CDH23: variants seen among roughly 807,000 people sequenced by gnomAD.
CDH23 encodes cadherin related 23, also known as cadherin-23.
In CDH23, 189 loss-of-function variants were observed where a neutral mutation model predicts 317.1. That is an observed-to-expected ratio of 0.60 (90% CI 0.53 to 0.67). The LOEUF is 0.67. Ranked by LOEUF, CDH23 falls within the 30% of genes least tolerant of loss-of-function variation. The probability of loss-of-function intolerance (pLI) is 0.00; values close to 1 mark genes in which losing one functional copy is unlikely to be tolerated. For synonymous variants in CDH23, 1,839 were observed against 1,876.8 expected, an observed-to-expected ratio of 0.98 and a Z score of 0.52; for missense variants, 4,401 against 4,592.4, an observed-to-expected ratio of 0.96 and a Z score of 1.20.
chr10:71,590,895 AAC>A (rs1491318780), intron 9 of CDH23, among the ~76,000 whole-genome samples: 10,679 of 112,626 alleles, frequency 0.095, 1,300 homozygotes, highest in East Asian at 0.22. Flanking sequence ...AACAAAAAAA[AAC>A]AAAAAAAAAC....
intron 3 of CDH23, among the ~76,000 whole-genome samples, chr10:71,501,358 G>T (rs1352657362): frequency 6.6e-6 from 1 of 152,196 alleles, no homozygotes; most frequent in East Asian, 1.9e-4. Flanking sequence ...CCAAGTGGAC[G>T]GAGTTGCAGG....
intron 21 of CDH23, among the ~76,000 whole-genome samples, 179 bp from the exon 22 acceptor site, chr10:71,695,239 G>T (rs765777368): frequency 6.6e-6 from 1 of 152,212 alleles, no homozygotes; most frequent in South Asian, 2.1e-4. Context: ...CTCCTGAAGC[G>T]GCCTGGCTCC....
intron 11 of CDH23, among the ~76,000 whole-genome samples, chr10:71,619,441 T>TC (rs1345747513): frequency 2.0e-5 from 3 of 152,188 alleles, no homozygotes; most frequent in African/African-American, 7.2e-5. Flanking sequence ...TCACCTTGTA[T>TC]CCCCCTTTAG....
intron 9 of CDH23, among the ~76,000 whole-genome samples, chr10:71,579,225 T>C (rs1308143009): frequency 6.6e-6 from 1 of 152,088 alleles, no homozygotes; most frequent in African/African-American, 2.4e-5. Flanking sequence ...TCCTTGGCAA[T>C]GCAGGAAACC....
chr10:71,672,059 C>T (rs529131910), intron 14 of CDH23, among the ~76,000 whole-genome samples: 17 of 152,022 alleles, frequency 1.1e-4, no homozygotes, highest in African/African-American at 2.9e-4. Flanking sequence ...TTGGGGGAGA[C>T]GCACGTTAAC....
intron 1 of CDH23, among the ~76,000 whole-genome samples, chr10:71,414,654 T>C (rs1024967996): frequency 6.6e-6 from 1 of 152,240 alleles, no homozygotes; most frequent in African/African-American, 2.4e-5. Flanking sequence ...ATGTGATTTT[T>C]TTCTTTCTTG....
At chr10:71,591,719 T>A (rs1859505354) in intron 9 of CDH23, among the ~76,000 whole-genome samples, 1 of 151,698 alleles carries the variant, frequency 6.6e-6, no homozygotes. Flanking sequence ...GATGTAGGAG[T>A]CACTTGACTT....
At chr10:71,711,982 T>G (rs894808657) in intron 27 of CDH23, 1 of 152,238 alleles carries the variant, frequency 6.6e-6, no homozygotes, top group African/African-American at 2.4e-5. Context: ...AAGTGTATTC[T>G]CTCCTGGTTC....
chr10:71,451,066 G>T (rs1156396990), intron 3 of CDH23, among the ~76,000 whole-genome samples: 1 of 152,066 alleles, frequency 6.6e-6, no homozygotes, highest in Non-Finnish European at 1.5e-5. Context: ...AGTTGCCCAG[G>T]CCAAAAGCTG....
chr10:71,480,525 T>C (rs567340424), intron 3 of CDH23, among the ~76,000 whole-genome samples: 1 of 152,224 alleles, frequency 6.6e-6, no homozygotes, highest in South Asian at 2.1e-4. Context: ...GGCTGCTGCA[T>C]TGGAGCTGAG....
chr10:71,657,590 C>A (rs974722871), intron 14 of CDH23, among the ~76,000 whole-genome samples: 2 of 152,192 alleles, frequency 1.3e-5, no homozygotes, highest in Non-Finnish European at 2.9e-5. Flanking sequence ...TTAGCAAAAC[C>A]AAGAGGACAA....
intron 6 of CDH23, among the ~76,000 whole-genome samples, chr10:71,518,601 G>A (rs764714514): frequency 1.4e-4 from 22 of 152,182 alleles, no homozygotes; most frequent in Non-Finnish European, 5.9e-5. Context: ...GTGTTAGTGT[G>A]CTGCAGAGGC....
intron 6 of CDH23, among the ~76,000 whole-genome samples, chr10:71,560,929 T>A (rs1012057320): frequency 1.3e-5 from 2 of 152,212 alleles, no homozygotes; most frequent in Non-Finnish European, 2.9e-5. Flanking sequence ...AGATGGCACC[T>A]ATGGTGGAAA....
chr10:71,720,741 G>A (rs1330159040), intron 28 of CDH23, among the ~76,000 whole-genome samples: 9 of 152,244 alleles, frequency 5.9e-5, no homozygotes, highest in Non-Finnish European at 1.2e-4. Flanking sequence ...GACTGTTAAA[G>A]CTGGAGAGGT....
intron 41 of CDH23, among the ~76,000 whole-genome samples, chr10:71,780,233 G>C (rs1039527924): frequency 6.6e-5 from 10 of 152,192 alleles, no homozygotes; most frequent in African/African-American, 2.4e-4. Context: ...AAGAGCTGGG[G>C]ATACCAAACA....
chr10:71,724,181 G>T (rs1866702606), intron 29 of CDH23, 76 bp downstream of exon 29: 4 of 1,497,590 alleles, frequency 2.7e-6, no homozygotes, highest in Non-Finnish European at 3.6e-6. Context: ...GCTGCCAAAG[G>T]TCTGGGAGAT....
At chr10:71,655,266 G>A (rs2132619045) in intron 14 of CDH23, among the ~76,000 whole-genome samples, 1 of 152,256 alleles carries the variant, frequency 6.6e-6, no homozygotes, top group Admixed American at 6.5e-5. Flanking sequence ...GGCCTCTGCA[G>A]CCTGGCCTTG....
rs753318471 is a variant in CDH23, at chr10:71,713,138, C to T, written c.3369+325C>T. ...GGGAGAAAGAGACGTCACAATTTCC[C>T]GGAAAGGAGTTGAGAAGAGAGCCAG... On this transcript the variant is annotated intron_variant, in intron 28 of 69. Transcript: ENST00000224721. 22 of 778,512 alleles carry T rather than the reference C, an allele frequency of 2.8e-5. No homozygotes were observed. In the East Asian group the frequency reaches 2.9e-4, roughly 10 times the overall value. 48.2% of individuals were successfully genotyped at this position (778,512 alleles called of 1,614,324 possible). A position where few individuals can be genotyped will look rare whatever the true frequency, so the allele number is the denominator to read the frequency against.
At chr10:71,738,724 C>A in intron 35 of CDH23, 77 bp downstream of exon 35, 2 of 1,510,808 alleles carry the variant, frequency 1.3e-6, no homozygotes, top group Non-Finnish European at 1.8e-6. Context: ...GAGGGGCCTT[C>A]TGAGCCACCC....
Sources: allele counts gnomAD v4.1 joint callset (sites outside exome capture counted in the v4.1 genomes callset), GRCh38; gene constraint gnomAD v4.1.1; transcripts MANE v1.5; gene names NCBI Gene and HGNC (gene_info 2026-07-23, HGNC 2026-07-21).